Variants in GALNT18 observed in about 807,000 individuals in gnomAD.
GALNT18 encodes the protein polypeptide N-acetylgalactosaminyltransferase 18.
GALNT18 carries 44 observed loss-of-function variants against 69.5 expected under a neutral mutation model. The ratio of observed to expected loss-of-function variants is 0.63; its 90% CI spans 0.50 to 0.81. The LOEUF (loss-of-function observed/expected upper bound fraction) is 0.81, where lower values mean the gene tolerates loss of function less well. Ranked by LOEUF, GALNT18 falls within the 40% of genes least tolerant of loss-of-function variation. The probability of loss-of-function intolerance (pLI) is 0.00; values close to 1 mark genes in which losing one functional copy is unlikely to be tolerated. For missense variants in GALNT18, 715 were observed against 810.0 expected, an observed-to-expected ratio of 0.88 and a Z score of 1.42; for synonymous variants, 364 against 318.2, an observed-to-expected ratio of 1.14 and a Z score of -1.53.
chr11:11,288,887 G>C (rs915690079), intron 10 of GALNT18, among the ~76,000 whole-genome samples: 1 of 152,112 alleles, frequency 6.6e-6, no homozygotes, highest in Non-Finnish European at 1.5e-5. Context: ...AAACACACTA[G>C]ATTATTTTAA....
At chr11:11,342,201 T>C (rs1396176590) in intron 6 of GALNT18, among the ~76,000 whole-genome samples, 1 of 152,144 alleles carries the variant, frequency 6.6e-6, no homozygotes, top group African/African-American at 2.4e-5. Flanking sequence ...ACTTTATAAG[T>C]ACTTGCTGAA....
At chr11:11,460,414 C>T (rs915362653) in intron 1 of GALNT18, among the ~76,000 whole-genome samples, 3 of 152,224 alleles carry the variant, frequency 2.0e-5, no homozygotes, top group African/African-American at 7.2e-5. Context: ...AGCAAAATGG[C>T]TCTGTCCACC....
intron 1 of GALNT18, among the ~76,000 whole-genome samples, chr11:11,578,510 A>G (rs1413891139): frequency 6.6e-6 from 1 of 152,230 alleles, no homozygotes; most frequent in Non-Finnish European, 1.5e-5. Context: ...TAATGTGTGC[A>G]ATGGCCTTAA....
chr11:11,573,817 C>T lies in GALNT18; in HGVS notation c.235+47542G>A, dbSNP rs4444069. On this transcript the variant is annotated intron_variant, in intron 1 of 10. Coordinates refer to ENST00000227756, the MANE Select transcript of GALNT18 (RefSeq NM_198516.3). This position sits in a 1 kb window ranked among gnomAD's most constrained non-coding sequence, Gnocchi z 4.6. The stretch of plus-strand genomic sequence containing the variant: ...TCGACGGTGACTTCCCGAGGCTGGA[C>T]GGCGATCCTTCCCACTGCAGAAGGC... 18,552 of 152,328 alleles carry T rather than the reference C, an allele frequency of 0.12. 1,245 individuals carry two copies. Among genetic ancestry groups the T allele is most frequent in the Middle Eastern group, 0.17 (49 of 290 alleles). 9.4% of individuals were successfully genotyped at this position (152,328 alleles called of 1,614,324 possible).
In GALNT18 at chr11:11,510,800, G is replaced by A. The variant is rs72865501; in HGVS notation, c.236-61864C>T. Among the ~76,000 whole-genome samples, 207 of 152,286 alleles carry A rather than the reference G, an allele frequency of 1.4e-3. 1 individual carries two copies. Among genetic ancestry groups the A allele is most frequent in the Non-Finnish European group, 2.3e-3 (159 of 68,010 alleles). Reference sequence around the variant, plus strand: ...TGACTCCAGGGCAAATCTCAGGGCTGGGCACATTGCAACATCATTTCAAAG... The same window carrying A: ...TGACTCCAGGGCAAATCTCAGGGCTAGGCACATTGCAACATCATTTCAAAG... On this transcript the variant is annotated intron_variant, in intron 1 of 10. Transcript: ENST00000227756.
intron 3 of GALNT18, among the ~76,000 whole-genome samples, chr11:11,406,944 C>T (rs1854600890): frequency 1.3e-5 from 2 of 152,272 alleles, no homozygotes; most frequent in African/African-American, 2.4e-5. Flanking sequence ...AATATTATCC[C>T]TGGAGGGTTT....
In GALNT18 at chr11:11,601,678, C is replaced by T. The variant is rs1344029925; in HGVS notation, c.235+19681G>A. ...GCCAGTTTTTGAGGCTTTCTTTGAC[C>T]ATAGGAAATGTCTCTTTCTTTGATT... On this transcript the variant is annotated intron_variant, in intron 1 of 10. Coordinates refer to ENST00000227756, the MANE Select transcript of GALNT18 (RefSeq NM_198516.3). The surrounding 1 kb of genome is among the most constrained non-coding windows in gnomAD (Gnocchi z 4.0). 6.6e-6 allele frequency among the ~76,000 whole-genome samples: 1 copy of T among 152,146 alleles called. No individual in the cohort carries two copies. The highest frequency in any genetic ancestry group is 2.4e-5 in the African/African-American group (1 of 41,442).
intron 1 of GALNT18, among the ~76,000 whole-genome samples, chr11:11,485,310 T>A (rs1006577157): frequency 6.6e-6 from 1 of 152,192 alleles, no homozygotes; most frequent in Non-Finnish European, 1.5e-5. Context: ...TGGTTACCTA[T>A]CCTTTTGATG....
At chr11:11,400,568 T>C (rs1564929924) in intron 3 of GALNT18, among the ~76,000 whole-genome samples, 2 of 152,302 alleles carry the variant, frequency 1.3e-5, no homozygotes, top group South Asian at 4.2e-4. Context: ...CTCACAGTTC[T>C]GAAGGCTGGG....
intron 3 of GALNT18, among the ~76,000 whole-genome samples, chr11:11,380,194 C>G (rs1170772461): frequency 1.3e-5 from 2 of 152,196 alleles, no homozygotes; most frequent in Non-Finnish European, 2.9e-5. Context: ...CTTCTTCTGA[C>G]CTCCAAATGC....
At position 11,543,445 on chromosome 11, in the gene GALNT18, C is replaced by T. The variant is rs79680846; in HGVS notation, c.235+77914G>A. On this transcript the variant is annotated intron_variant, in intron 1 of 10. Transcript: ENST00000227756. This position sits in a 1 kb window ranked among gnomAD's most constrained non-coding sequence, Gnocchi z 5.1. ...ACTGGATATGCCACCCATTTTAGGT[C>T]GGGGATGTCCCTTCTCTGCTACCCT... Among the ~76,000 whole-genome samples, 1,790 of 152,224 alleles carry T rather than the reference C, an allele frequency of 0.012. 38 individuals are homozygous for T. The highest frequency in any genetic ancestry group is 0.04 in the African/African-American group (1,680 of 41,526).
At chr11:11,418,293 T>C (rs1330936151) in intron 3 of GALNT18, among the ~76,000 whole-genome samples, 3 of 152,210 alleles carry the variant, frequency 2.0e-5, no homozygotes, top group Non-Finnish European at 4.4e-5. Flanking sequence ...AATCTCAGTT[T>C]CCTCATCTAT....
intron 1 of GALNT18, among the ~76,000 whole-genome samples, chr11:11,533,661 A>G (rs1857706230): frequency 6.6e-6 from 1 of 152,194 alleles, no homozygotes; most frequent in Admixed American, 6.5e-5. Context: ...TATTTGTACA[A>G]ACGAAACAGT....
intron 1 of GALNT18, among the ~76,000 whole-genome samples, chr11:11,529,445 C>T (rs552477947): frequency 5.8e-4 from 89 of 152,268 alleles, no homozygotes; most frequent in African/African-American, 2.0e-3. Context: ...ATTTGTTCTT[C>T]TTGGGTCTCA....
chr11:11,550,343 A>C (rs1055344140), intron 1 of GALNT18, among the ~76,000 whole-genome samples: 12 of 152,178 alleles, frequency 7.9e-5, no homozygotes, highest in South Asian at 2.1e-4. Context: ...ATGCAAGGGG[A>C]TCTCAAGGCA....
chr11:11,575,813 C>G (rs1858912644), intron 1 of GALNT18, among the ~76,000 whole-genome samples: 1 of 152,210 alleles, frequency 6.6e-6, no homozygotes, highest in African/African-American at 2.4e-5. Flanking sequence ...TAAGTGAGGA[C>G]CTCACTGATA....
chr11:11,466,750 A>G (rs1270173797), intron 1 of GALNT18, among the ~76,000 whole-genome samples: 1 of 152,158 alleles, frequency 6.6e-6, no homozygotes, highest in African/African-American at 2.4e-5. Flanking sequence ...CATTTTTTCT[A>G]TCAGAGAGGT....
chr11:11,580,285 C>T (rs1469164479), intron 1 of GALNT18, among the ~76,000 whole-genome samples: 3 of 152,164 alleles, frequency 2.0e-5, no homozygotes, highest in African/African-American at 7.2e-5. Flanking sequence ...GTTCTCAATC[C>T]GACAGCAAGG....
chr11:11,600,295 T>TG lies in GALNT18; in HGVS notation c.235+21063dup, dbSNP rs1242090541. On this transcript the variant is annotated intron_variant, in intron 1 of 10. Transcript: ENST00000227756. The surrounding 1 kb of genome is among the most constrained non-coding windows in gnomAD (Gnocchi z 4.8). ...CTCACATTCAGCCTGAAGAACAATC[T>TG]GTAGTATTTCTTGTAAGATGGACCT... Among the ~76,000 whole-genome samples, 12 of 152,268 alleles carry TG rather than the reference T, an allele frequency of 7.9e-5. No individual in the cohort carries two copies. Among genetic ancestry groups the TG allele is most frequent in the African/African-American group, 2.6e-4 (11 of 41,584 alleles).
Sources: allele counts gnomAD v4.1 joint callset (sites outside exome capture counted in the v4.1 genomes callset), GRCh38; gene constraint gnomAD v4.1.1; non-coding constraint Gnocchi (gnomAD v3.1); transcripts MANE v1.5; gene names NCBI Gene and HGNC (gene_info 2026-07-23, HGNC 2026-07-21).